Variants in HIBADH observed in about 807,000 individuals in gnomAD.
HIBADH encodes the protein 3-hydroxyisobutyrate dehydrogenase.
A neutral mutation model predicts 36.1 loss-of-function variants in HIBADH; 25 were observed. The ratio of observed to expected loss-of-function variants is 0.69; its 90% CI spans 0.50 to 0.97. The LOEUF (loss-of-function observed/expected upper bound fraction) is 0.97. Among genes scored for constraint, HIBADH ranks in the 50% least tolerant of loss-of-function variants. The pLI, the probability that HIBADH is intolerant of heterozygous loss-of-function variation, is 0.00. For missense variants in HIBADH, 421 were observed against 418.0 expected, an observed-to-expected ratio of 1.01 and a Z score of -0.06; for synonymous variants, 160 against 149.5, an observed-to-expected ratio of 1.07 and a Z score of -0.51.
intron 4 of HIBADH, among the ~76,000 whole-genome samples, chr7:27,555,087 C>G (rs1330669926): frequency 1.3e-5 from 2 of 152,086 alleles, no homozygotes; most frequent in East Asian, 1.9e-4. Context: ...TGACTGTTTC[C>G]TTATTGAGCA....
intron 2 of HIBADH, among the ~76,000 whole-genome samples, chr7:27,636,750 A>C (rs1785847776): frequency 1.3e-5 from 2 of 152,240 alleles, no homozygotes; most frequent in African/African-American, 4.8e-5. Flanking sequence ...AGACAATGAA[A>C]ATGAAGCACA....
chr7:27,535,931 T>C (rs1784064986), intron 6 of HIBADH, among the ~76,000 whole-genome samples: 1 of 152,126 alleles, frequency 6.6e-6, no homozygotes. Context: ...TCAGAAATGA[T>C]CACTTCACAG....
At chr7:27,596,568 A>G (rs1318673065) in intron 4 of HIBADH, among the ~76,000 whole-genome samples, 1 of 152,238 alleles carries the variant, frequency 6.6e-6, no homozygotes, top group East Asian at 1.9e-4. Flanking sequence ...TTGCATTTAC[A>G]TGAAAATATC....
chr7:27,613,306 A>T (rs917221574), intron 4 of HIBADH, among the ~76,000 whole-genome samples: 2 of 9,948 alleles, frequency 2.0e-4, no homozygotes, highest in Non-Finnish European at 3.3e-4. Context: ...ATTTTGTTTT[A>T]TATATATATA....
chr7:27,598,010 G>A (rs1343641339), intron 4 of HIBADH, among the ~76,000 whole-genome samples: 1 of 152,140 alleles, frequency 6.6e-6, no homozygotes, highest in Non-Finnish European at 1.5e-5. Context: ...TAAATGCCAA[G>A]CAATGTGATT....
At chr7:27,653,123 C>T (rs570944553) in intron 1 of HIBADH, among the ~76,000 whole-genome samples, 33 of 150,708 alleles carry the variant, frequency 2.2e-4, no homozygotes, top group African/African-American at 7.8e-4. Flanking sequence ...AGCGAGACTC[C>T]GTCTCAAAAA....
At chr7:27,550,879 A>C (rs1784307593) in intron 4 of HIBADH, among the ~76,000 whole-genome samples, 1 of 152,244 alleles carries the variant, frequency 6.6e-6, no homozygotes, top group African/African-American at 2.4e-5. Flanking sequence ...ATTAAGACTC[A>C]TTAAGACTTA....
At chr7:27,650,484 ATTTATTT>A (rs1216319886) in intron 1 of HIBADH, among the ~76,000 whole-genome samples, 1 of 147,874 alleles carries the variant, frequency 6.8e-6, no homozygotes, top group Non-Finnish European at 1.5e-5. Flanking sequence ...TTATTTATTT[ATTTATTT>A]ATTTATTTAT....
intron 1 of HIBADH, among the ~76,000 whole-genome samples, 172 bp downstream of exon 1, chr7:27,662,526 G>A (rs1176219372): frequency 6.6e-6 from 1 of 152,204 alleles, no homozygotes. Context: ...GGGTACTCGC[G>A]GAGTGAGTGG....
chr7:27,626,104 G>GAAAAAAA (rs70994672), intron 4 of HIBADH, among the ~76,000 whole-genome samples: 1,212 of 72,392 alleles, frequency 0.017, 138 homozygotes, highest in African/African-American at 0.025. Flanking sequence ...CTCCGTCTCA[G>GAAAAAAA]AAAAAAAAAA....
chr7:27,619,689 T>G (rs929412732), intron 4 of HIBADH, among the ~76,000 whole-genome samples: 1 of 152,066 alleles, frequency 6.6e-6, no homozygotes, highest in Non-Finnish European at 1.5e-5. Flanking sequence ...ATTAGAAAGC[T>G]TCAACAATAA....
intron 3 of HIBADH, 102 bp from the exon 4 acceptor site, chr7:27,629,594 A>G: frequency 1.4e-6 from 1 of 737,890 alleles, no homozygotes; most frequent in African/African-American, 1.8e-5. Context: ...CCATATATCA[A>G]GGAGGATTTT....
intron 4 of HIBADH, among the ~76,000 whole-genome samples, chr7:27,581,844 AC>A (rs1253795609): frequency 6.6e-6 from 1 of 151,898 alleles, no homozygotes; most frequent in African/African-American, 2.4e-5. Context: ...AAAGGAATCT[AC>A]AAAAAAAAAA....
chr7:27,581,005 A>C (rs999912488), intron 4 of HIBADH, among the ~76,000 whole-genome samples: 3 of 152,160 alleles, frequency 2.0e-5, no homozygotes, highest in South Asian at 2.1e-4. Flanking sequence ...GTCTATTCTC[A>C]GTGAAAGTAA....
At chr7:27,656,046 A>G (rs527640357) in intron 1 of HIBADH, among the ~76,000 whole-genome samples, 79 of 152,254 alleles carry the variant, frequency 5.2e-4, no homozygotes, top group Non-Finnish European at 9.6e-4. Context: ...TATACTACAC[A>G]TGAGGGGCCA....
chr7:27,575,884 A>ACAGCAGCAG (rs369656862), intron 4 of HIBADH, among the ~76,000 whole-genome samples: 1 of 152,220 alleles, frequency 6.6e-6, no homozygotes. Context: ...GCTCGCAGCA[A>ACAGCAGCAG]CAGCAGCAGC....
At chr7:27,653,694 A>G (rs12112192) in intron 1 of HIBADH, among the ~76,000 whole-genome samples, 114,091 of 150,698 alleles carry the variant, frequency 0.76, 43,595 homozygotes, top group East Asian at 0.94. Flanking sequence ...CTGAGATCGC[A>G]CCACTGCACT....
At chr7:27,543,782 G>T (rs1482742223) in intron 4 of HIBADH, among the ~76,000 whole-genome samples, 2 of 152,180 alleles carry the variant, frequency 1.3e-5, no homozygotes, top group Admixed American at 1.3e-4. Context: ...GCAAGAAGAA[G>T]AAATAAACTT....
intron 4 of HIBADH, among the ~76,000 whole-genome samples, chr7:27,596,794 T>C (rs975365119): frequency 2.0e-5 from 3 of 152,122 alleles, no homozygotes; most frequent in African/African-American, 7.2e-5. Flanking sequence ...AATCCAAAAA[T>C]CCAAAATCTG....
Sources: gnomAD v4.1 joint callset for allele counts (sites outside exome capture counted in the v4.1 genomes callset) on GRCh38, gnomAD v4.1.1 for gene constraint, MANE v1.5 for transcripts, NCBI Gene and HGNC (gene_info 2026-07-23, HGNC 2026-07-21) for gene names.